The following RASAL2 variants were observed in gnomAD, a reference collection of about 807,000 sequenced individuals.
RASAL2 encodes ras GTPase-activating protein nGAP.
Under a neutral mutation model 128.9 loss-of-function variants are expected in RASAL2, and 58 were observed. That is an observed-to-expected ratio of 0.45 (90% confidence interval 0.36 to 0.56). The LOEUF (loss-of-function observed/expected upper bound fraction) is 0.56, where lower values mean the gene tolerates loss of function less well. Among genes scored for constraint, RASAL2 ranks in the 20% least tolerant of loss-of-function variants. The probability of loss-of-function intolerance (pLI) is 0.00; values close to 1 mark genes in which losing one functional copy is unlikely to be tolerated. For synonymous variants in RASAL2, 561 were observed against 580.8 expected (o/e 0.97, Z 0.49); for missense variants, 1,360 against 1,601.6 (o/e 0.85, Z 2.57).
Position 178,473,116 on chromosome 1 carries a change from G to A in RASAL2, c.3720G>A (p.Leu1240=), listed in dbSNP as rs1192278157. The change falls in exon 18 of 18, where the codon CTG becomes CTA. Residue 1240 remains leucine (L), a synonymous_variant. Coordinates refer to ENST00000367649, the MANE Select transcript of RASAL2 (RefSeq NM_170692.4). ...IVSLDSANTR[L]MSALTQVKER... is the part of the protein sequence containing the mutation. ...CCCTGGATTCAGCCAACACCAGACTGATGAGCGCGCTGACCCAAGTGAAGG... is the reference window on the plus strand; with the variant it reads ...CCCTGGATTCAGCCAACACCAGACTAATGAGCGCGCTGACCCAAGTGAAGG... 1 of 1,614,106 alleles carries A rather than the reference G, an allele frequency of 6.2e-7. No homozygotes were observed. Among genetic ancestry groups the A allele is most frequent in the Non-Finnish European group, 8.5e-7 (1 of 1,180,044 alleles).
intron 3 of RASAL2, among the ~76,000 whole-genome samples, chr1:178,356,231 T>A (rs1386382306): frequency 3.3e-5 from 5 of 151,028 alleles, no homozygotes; most frequent in Non-Finnish European, 7.4e-5. Flanking sequence ...TGGCTAAGAT[T>A]TAAAATCAGA....
chr1:178,389,590 C>G (rs1032076746), intron 3 of RASAL2, among the ~76,000 whole-genome samples: 2 of 152,140 alleles, frequency 1.3e-5, no homozygotes, highest in Non-Finnish European at 2.9e-5. Flanking sequence ...GTTATTTTAT[C>G]TTGGCAGCAG....
intron 1 of RASAL2, among the ~76,000 whole-genome samples, chr1:178,283,197 C>T (rs1666863560): frequency 6.6e-6 from 1 of 152,160 alleles, no homozygotes; most frequent in African/African-American, 2.4e-5. Flanking sequence ...GTAACATCAT[C>T]TTTCTCCTAA....
chr1:178,338,564 T>C (rs547007999), intron 3 of RASAL2, among the ~76,000 whole-genome samples: 1 of 152,336 alleles, frequency 6.6e-6, no homozygotes, highest in South Asian at 2.1e-4. Flanking sequence ...GCAAGTATAC[T>C]ATTTGGTTGA....
chr1:178,104,173 A>T (rs1017593502), intron 1 of RASAL2, among the ~76,000 whole-genome samples: 1 of 152,120 alleles, frequency 6.6e-6, no homozygotes, highest in Non-Finnish European at 1.5e-5. Context: ...ATATGGATCC[A>T]ATTTCATTTT....
At chr1:178,167,322 A>G (rs760193784) in intron 1 of RASAL2, among the ~76,000 whole-genome samples, 3 of 152,168 alleles carry the variant, frequency 2.0e-5, no homozygotes, top group African/African-American at 4.8e-5. Flanking sequence ...ACTTCTTCAT[A>G]TAAGTGATTT....
At chr1:178,416,729 G>A (rs923469060) in intron 4 of RASAL2, among the ~76,000 whole-genome samples, 2 of 151,778 alleles carry the variant, frequency 1.3e-5, no homozygotes, top group Admixed American at 1.3e-4. Flanking sequence ...AGTTTTGCAG[G>A]TTATAGAATT....
At chr1:178,349,217 G>C (rs1480567243) in intron 3 of RASAL2, among the ~76,000 whole-genome samples, 2 of 147,552 alleles carry the variant, frequency 1.4e-5, no homozygotes, top group Admixed American at 1.4e-4. Context: ...TCAGGAGATC[G>C]AGACCGTCCT....
At chr1:178,126,045 A>T (rs1489910838) in intron 1 of RASAL2, among the ~76,000 whole-genome samples, 1 of 152,210 alleles carries the variant, frequency 6.6e-6, no homozygotes, top group East Asian at 1.9e-4. Context: ...GGGTACTCAG[A>T]ACTTACTACT....
rs60835442 is a variant in RASAL2 at position 178,373,274 on chromosome 1, C to CTTTTTTTTTT, written c.458-16820_458-16811dup. Among the ~76,000 whole-genome samples the CTTTTTTTTTT allele has an allele frequency of 1.8e-4, 11 of 60,058 alleles. 1 individual carries two copies. The highest frequency in any genetic ancestry group is 3.7e-4 in the African/African-American group (5 of 13,468). 39.4% of individuals were successfully genotyped at this position (60,058 alleles called of 152,430 possible). A position where few individuals can be genotyped will look rare whatever the true frequency, so the allele number is the denominator to read the frequency against. ...TCAATCTTAGCATTCTGTTTCTTTC[C>CTTTTTTTTTT]TTTTTTTTTTTTTTTGCAGTTTAGA... On this transcript the variant is annotated intron_variant, in intron 3 of 17. Coordinates refer to ENST00000367649, the MANE Select transcript of RASAL2 (RefSeq NM_170692.4).
intron 1 of RASAL2, among the ~76,000 whole-genome samples, chr1:178,141,210 T>TTTTTTTTTTG: frequency 6.9e-6 from 1 of 144,620 alleles, no homozygotes; most frequent in Non-Finnish European, 1.5e-5. Context: ...TTTTTTTTTT[T>TTTTTTTTTTG]TTTTTTTTGC....
intron 3 of RASAL2, among the ~76,000 whole-genome samples, chr1:178,346,380 G>A (rs189490573): frequency 1.2e-3 from 175 of 151,304 alleles, no homozygotes; most frequent in Middle Eastern, 3.4e-3. Context: ...CCGCCTGGGT[G>A]ACAGAGCAAA....
rs1437471163 is a variant in RASAL2, at chr1:178,390,904, A to C, written c.564+698A>C. Among the ~76,000 whole-genome samples, 4 of 151,122 alleles carry C rather than the reference A, an allele frequency of 2.6e-5. No homozygotes were observed. In the East Asian group the frequency reaches 7.7e-4, roughly 29 times the overall value. ...TTAGGAACGGGATGTGGTTTTTTTTATTTTTCAGAGCTGGAACATAAGCAG... is the reference window on the plus strand; with the variant it reads ...TTAGGAACGGGATGTGGTTTTTTTTCTTTTTCAGAGCTGGAACATAAGCAG... On this transcript the variant is annotated intron_variant, in intron 4 of 17. Transcript: ENST00000367649.
chr1:178,170,242 T>C (rs1208667154), intron 1 of RASAL2, among the ~76,000 whole-genome samples: 2 of 151,902 alleles, frequency 1.3e-5, no homozygotes, highest in African/African-American at 4.8e-5. Flanking sequence ...CAAAAAAGTT[T>C]CCTCTCCCTA....
At chr1:178,228,533 G>A (rs1414386509) in intron 1 of RASAL2, among the ~76,000 whole-genome samples, 2 of 152,190 alleles carry the variant, frequency 1.3e-5, no homozygotes, top group Non-Finnish European at 2.9e-5. Flanking sequence ...AATGAGCCAA[G>A]CGTGCCACTG....
chr1:178,410,137 G>A (rs1418303198), intron 4 of RASAL2, among the ~76,000 whole-genome samples: 3 of 152,248 alleles, frequency 2.0e-5, no homozygotes, highest in South Asian at 2.1e-4. Context: ...AAATGAGGTG[G>A]TCCAGAAAGT....
chr1:178,409,935 C>T (rs1674252645), intron 4 of RASAL2, among the ~76,000 whole-genome samples: 5 of 152,160 alleles, frequency 3.3e-5, no homozygotes, highest in Admixed American at 3.3e-4. Flanking sequence ...TCATCCGGTA[C>T]AGCTATGTGG....
rs565461720 is a variant in RASAL2 at position 178,406,238 on chromosome 1, G to A, written c.565-14273G>A. 2.6e-5 allele frequency among the ~76,000 whole-genome samples: 4 copies of A among 152,324 alleles called. No individual in the cohort carries two copies. The South Asian group carries it at 8.3e-4, about 32-fold the overall frequency. On this transcript the variant is annotated intron_variant, in intron 4 of 17. Transcript: ENST00000367649. ...TTGACAAATGGTTAAACAATTGTTG[G>A]TGTACCCATACAGTGGAATAAAAAG... is the stretch of plus-strand genomic sequence containing the variant.
chr1:178,177,185 T>TA (rs1468575608), intron 1 of RASAL2, among the ~76,000 whole-genome samples: 37 of 152,220 alleles, frequency 2.4e-4, no homozygotes, highest in African/African-American at 8.7e-4. Flanking sequence ...AGGCCTGAAT[T>TA]ACGTGTTTGG....
Sources: gnomAD v4.1 joint callset for allele counts (sites outside exome capture counted in the v4.1 genomes callset) on GRCh38, gnomAD v4.1.1 for gene constraint, MANE v1.5 for transcripts, NCBI Gene and HGNC (gene_info 2026-07-23, HGNC 2026-07-21) for gene names.